FBXW7: variants seen among roughly 807,000 people sequenced by gnomAD.
FBXW7 encodes the protein F-box and WD repeat domain containing 7, also known as F-box/WD repeat-containing protein 7.
A neutral mutation model predicts 86.3 loss-of-function variants in FBXW7; 11 were observed. The observed-to-expected ratio is 0.13, with a 90% CI of 0.08 to 0.21. FBXW7 has a LOEUF of 0.21. Ranked by LOEUF, FBXW7 falls within the 10% of genes least tolerant of loss-of-function variation. The probability of loss-of-function intolerance (pLI) is 1.00; values close to 1 mark genes in which losing one functional copy is unlikely to be tolerated. For missense variants in FBXW7, 488 were observed against 847.4 expected (o/e 0.58, Z 5.27); for synonymous variants, 313 against 297.9 (o/e 1.05, Z -0.52).
intron 2 of FBXW7, among the ~76,000 whole-genome samples, chr4:152,456,360 TAA>T (rs58250889): frequency 0.33 from 23,865 of 71,936 alleles, 2,862 homozygotes; most frequent in Middle Eastern, 0.43. Flanking sequence ...AAAAAATCCT[TAA>T]AAAAAAAAAA....
chr4:152,489,460 A>T (rs1030612651), intron 2 of FBXW7: 7 of 152,898 alleles, frequency 4.6e-5, no homozygotes, highest in East Asian at 1.9e-4. Flanking sequence ...ATTCATACTC[A>T]GTATAACTAT....
At chr4:152,339,242 G>C (rs1199013275) in intron 6 of FBXW7, among the ~76,000 whole-genome samples, 1 of 152,092 alleles carries the variant, frequency 6.6e-6, no homozygotes, top group African/African-American at 2.4e-5. Context: ...CATGTATCCA[G>C]AACATTCACC....
intron 4 of FBXW7, among the ~76,000 whole-genome samples, chr4:152,403,898 T>TC (rs1300278237): frequency 6.6e-6 from 1 of 152,152 alleles, no homozygotes; most frequent in Non-Finnish European, 1.5e-5. Flanking sequence ...TGAAAAATAT[T>TC]CATGTTTAGA....
chr4:152,497,015 T>C (rs1746412580), intron 2 of FBXW7, among the ~76,000 whole-genome samples: 1 of 152,110 alleles, frequency 6.6e-6, no homozygotes, highest in South Asian at 2.1e-4. Flanking sequence ...CTGAAACTTT[T>C]AAACAATGTT....
intron 2 of FBXW7, among the ~76,000 whole-genome samples, chr4:152,447,442 G>A (rs1741509285): frequency 6.6e-6 from 1 of 152,148 alleles, no homozygotes; most frequent in African/African-American, 2.4e-5. Context: ...AAACTTTTAA[G>A]TAATCAAAGT....
At position 152,324,172 on chromosome 4, in the gene FBXW7, A is replaced by C; in HGVS notation, c.1855+12T>G. 6.2e-7 allele frequency: 1 copy of C among 1,603,688 alleles called. No homozygotes were observed. Among genetic ancestry groups the C allele is most frequent in the Non-Finnish European group, 8.5e-7 (1 of 1,172,864 alleles). ...TTTTTAATGAACAAAACGAAAGGTG[A>C]GTAAGACTTACCTTGCAATGTTTGT... On this transcript the variant is annotated intron_variant, in intron 13 of 13. Coordinates refer to ENST00000281708, the MANE Select transcript of FBXW7 (RefSeq NM_001349798.2).
intron 2 of FBXW7, among the ~76,000 whole-genome samples, chr4:152,488,239 TA>T (rs1340302818): frequency 1.3e-5 from 2 of 152,016 alleles, no homozygotes; most frequent in Non-Finnish European, 2.9e-5. Flanking sequence ...GACTGGTGCA[TA>T]AAAAAATATA....
At chr4:152,436,694 G>A (rs1473074216) in intron 2 of FBXW7, among the ~76,000 whole-genome samples, 4 of 152,186 alleles carry the variant, frequency 2.6e-5, no homozygotes, top group Non-Finnish European at 5.9e-5. Flanking sequence ...TTGACTTTAG[G>A]TAGAACAGTG....
At chr4:152,377,828 C>T (rs1441045608) in intron 4 of FBXW7, among the ~76,000 whole-genome samples, 1 of 149,594 alleles carries the variant, frequency 6.7e-6, no homozygotes, top group Non-Finnish European at 1.5e-5. Flanking sequence ...CACAAAGGAA[C>T]TAGAGAAAAT....
intron 2 of FBXW7, among the ~76,000 whole-genome samples, chr4:152,486,388 AAACT>A (rs1274174453): frequency 5.3e-5 from 8 of 152,204 alleles, no homozygotes; most frequent in Admixed American, 3.3e-4. Context: ...ATTTAGCGTA[AAACT>A]AACATATTGT....
intron 2 of FBXW7, among the ~76,000 whole-genome samples, chr4:152,425,674 C>T (rs1739318827): frequency 6.6e-6 from 1 of 151,838 alleles, no homozygotes; most frequent in Non-Finnish European, 1.5e-5. Context: ...TCCATATGGC[C>T]AAGTACAAAG....
In FBXW7 at chr4:152,320,611, T is replaced by A. The variant is rs892621259; in HGVS notation, c.*2270A>T. On this transcript the variant is annotated 3_prime_UTR_variant, in exon 14 of 14. Transcript: ENST00000281708. ...ATTTAGATTTTATAAAATTTAGATTTGTTGAACAAAACGGCTACAGAACAG... is the reference window on the plus strand; with the variant it reads ...ATTTAGATTTTATAAAATTTAGATTAGTTGAACAAAACGGCTACAGAACAG... The A allele has an allele frequency of 2.0e-5, 3 of 152,198 alleles. No homozygotes were observed. Among genetic ancestry groups the A allele is most frequent in the South Asian group, 2.1e-4 (1 of 4,808 alleles). The allele number at this position is 152,198 out of a possible 1,614,324, so 9.4% of individuals were successfully genotyped here. A position where few individuals can be genotyped will look rare whatever the true frequency, so the allele number is the denominator to read the frequency against.
chr4:152,512,753 T>TGA (rs1414639264), intron 2 of FBXW7, among the ~76,000 whole-genome samples: 4 of 152,182 alleles, frequency 2.6e-5, no homozygotes, highest in Non-Finnish European at 4.4e-5. Flanking sequence ...AAATGGGAAG[T>TGA]GACTCCTTAA....
chr4:152,510,996 T>A (rs1005314580), intron 2 of FBXW7, among the ~76,000 whole-genome samples: 1 of 151,748 alleles, frequency 6.6e-6, no homozygotes, highest in Non-Finnish European at 1.5e-5. Flanking sequence ...CAGGCTAGAG[T>A]GCAGTGATCA....
intron 3 of FBXW7, among the ~76,000 whole-genome samples, 195 bp downstream of exon 3, chr4:152,412,285 A>G (rs927804583): frequency 1.3e-5 from 2 of 152,144 alleles, no homozygotes; most frequent in Non-Finnish European, 2.9e-5. Flanking sequence ...AATTTGGGAA[A>G]TGCTGAGGTA....
chr4:152,517,541 C>A (rs530299964), intron 2 of FBXW7, among the ~76,000 whole-genome samples: 1 of 152,254 alleles, frequency 6.6e-6, no homozygotes, highest in African/African-American at 2.4e-5. Context: ...ATTAAGGTCC[C>A]AGGCTCTAGA....
intron 3 of FBXW7, among the ~76,000 whole-genome samples, chr4:152,412,225 T>C (rs1432144308): frequency 6.6e-6 from 1 of 152,084 alleles, no homozygotes; most frequent in African/African-American, 2.4e-5. Flanking sequence ...TATATAAAAC[T>C]TCCACAAAAT....
chr4:152,376,682 G>A (rs1017722772), intron 4 of FBXW7, among the ~76,000 whole-genome samples: 2 of 152,068 alleles, frequency 1.3e-5, no homozygotes, highest in Non-Finnish European at 2.9e-5. Context: ...GAGGTCCTAT[G>A]AGAGGTGCTG....
Position 152,323,019 on chromosome 4 carries a change from T to G in FBXW7, c.1986A>C (p.Thr662=), listed in dbSNP as rs201270631. 1 of 1,613,810 alleles carries G rather than the reference T, an allele frequency of 6.2e-7. No individual in the cohort carries two copies. The highest frequency in any genetic ancestry group is 1.3e-5 in the African/African-American group (1 of 74,996). Residue 662 remains threonine, a synonymous_variant, in exon 14 of 14, where the codon ACA becomes ACC. Coordinates refer to ENST00000281708, the MANE Select transcript of FBXW7 (RefSeq NM_001349798.2). ...KTGEFIRNLV[T]LESGGSGGVV... ...CTCCCCCACTCCCCCCACTCTCCAA[T>G]GTGACTAGGTTTCGAATAAATTCAC... is the stretch of plus-strand genomic sequence containing the variant.
Sources: allele counts gnomAD v4.1 joint callset (sites outside exome capture counted in the v4.1 genomes callset), GRCh38; gene constraint gnomAD v4.1.1; transcripts MANE v1.5; gene names NCBI Gene and HGNC (gene_info 2026-07-23, HGNC 2026-07-21).